Variants in GARRE1 observed in about 807,000 individuals in gnomAD.
GARRE1 encodes the protein granule associated Rac and RHOG effector 1.
A neutral mutation model predicts 103.2 loss-of-function variants in GARRE1; 49 were observed. The ratio of observed to expected loss-of-function variants is 0.47; its 90% confidence interval spans 0.38 to 0.60. The LOEUF is 0.60. Among genes scored for constraint, GARRE1 ranks in the 20% least tolerant of loss-of-function variants. The pLI is 0.00. For missense variants in GARRE1, 1,199 were observed against 1,370.5 expected (o/e 0.87, Z 1.98); for synonymous variants, 505 against 532.8 (o/e 0.95, Z 0.72).
chr19:34,352,672 C>T lies in GARRE1; in HGVS notation c.2930C>T (p.Pro977Leu), dbSNP rs151176246. Residue 977 changes from proline to leucine, a missense_variant, in exon 14 of 14, where the codon CCC (proline) becomes CTC (leucine). Transcript: ENST00000299505. Reference sequence around the variant, plus strand: ...GATAACAAAACCAAAACGTGGCCACCCAAAGCACCCTGGCAGCACCCTTCC... The same window carrying T: ...GATAACAAAACCAAAACGTGGCCACTCAAAGCACCCTGGCAGCACCCTTCC... ...NQDNKTKTWP[P>L]KAPWQHPSPL... 15 of 1,610,926 alleles carry T rather than the reference C, an allele frequency of 9.3e-6. No homozygotes were observed. Among genetic ancestry groups the T allele is most frequent in the Non-Finnish European group, 1.2e-5 (14 of 1,177,414 alleles).
At chr19:34,332,471 A>G (rs890666862) in intron 7 of GARRE1, among the ~76,000 whole-genome samples, 1 of 152,068 alleles carries the variant, frequency 6.6e-6, no homozygotes, top group Admixed American at 6.6e-5. Flanking sequence ...AAAAAGTTCC[A>G]TGTTATTCAG....
intron 1 of GARRE1, among the ~76,000 whole-genome samples, chr19:34,282,140 GT>G (rs1484124461): frequency 1.3e-5 from 2 of 151,632 alleles, no homozygotes; most frequent in Non-Finnish European, 2.9e-5. Flanking sequence ...TTTATGATTT[GT>G]TTGCTTTTGG....
intron 1 of GARRE1, among the ~76,000 whole-genome samples, chr19:34,257,267 G>C (rs904013207): frequency 1.3e-5 from 2 of 152,072 alleles, no homozygotes; most frequent in Admixed American, 1.3e-4. Flanking sequence ...TGTGTCAAGT[G>C]GGTCTTCCAA....
rs1392492212 is a variant in GARRE1 at position 34,326,125 on chromosome 19, A to G, written c.706-1296A>G. ...ACCTAACATACCACCTTGTGAGCTA[A>G]ATATTTGACTGAAAGATTCTTAGAA... On this transcript the variant is annotated intron_variant, in intron 3 of 13. Transcript: ENST00000299505. 3.3e-5 allele frequency among the ~76,000 whole-genome samples: 5 copies of G among 152,260 alleles called. No homozygotes were observed. The East Asian group carries it at 9.6e-4, about 29-fold the overall frequency.
rs555003040 is a variant in GARRE1 at position 34,276,022 on chromosome 19, G to T, written c.-796+21408G>T. ...CTTATTGGCATATCATCTTTGGAGG[G>T]TTCATCTATATTTGTGTTTTGTTTG... On this transcript the variant is annotated intron_variant, in intron 1 of 13. Transcript: ENST00000299505. Among the ~76,000 whole-genome samples, 5 of 152,108 alleles carry T rather than the reference G, an allele frequency of 3.3e-5. No individual in the cohort carries two copies. The South Asian group carries it at 1.0e-3, about 32-fold the overall frequency.
intron 1 of GARRE1, among the ~76,000 whole-genome samples, chr19:34,286,874 T>TA (rs1451159401): frequency 6.6e-6 from 1 of 152,110 alleles, no homozygotes; most frequent in Non-Finnish European, 1.5e-5. Context: ...TCATCAGGCG[T>TA]CCTCATTCTT....
intron 12 of GARRE1, 81 bp from the exon 13 acceptor site, chr19:34,351,427 TGCTGGA>T: frequency 9.8e-7 from 1 of 1,018,412 alleles, no homozygotes; most frequent in Non-Finnish European, 1.6e-6. Context: ...GGCCTGGAGA[TGCTGGA>T]GCCTAGCACT....
chr19:34,296,235 C>T (rs746679777), intron 1 of GARRE1: 16 of 601,564 alleles, frequency 2.7e-5, no homozygotes, highest in Middle Eastern at 4.7e-4. Context: ...CCGAGGGGGT[C>T]GCAGCAGTCC....
intron 1 of GARRE1, among the ~76,000 whole-genome samples, chr19:34,276,443 A>G (rs940073569): frequency 6.6e-6 from 1 of 152,212 alleles, no homozygotes; most frequent in Non-Finnish European, 1.5e-5. Context: ...AAATGAGGGA[A>G]AAAGAGTGTG....
At position 34,320,133 on chromosome 19, in the gene GARRE1, G is replaced by A. The variant is rs369453284; in HGVS notation, c.705+17G>A. The A allele has an allele frequency of 1.5e-4, 238 of 1,607,884 alleles. No homozygotes were observed. Among genetic ancestry groups the A allele is most frequent in the Non-Finnish European group, 1.9e-4 (227 of 1,175,636 alleles). On this transcript the variant is annotated intron_variant, in intron 3 of 13. Transcript: ENST00000299505. Reference sequence around the variant, plus strand: ...GCTGCTGAGGTAACCCTGGCTTTGGGGAGATTGGTGCCTGTGTTCAAATAG... The same window carrying A: ...GCTGCTGAGGTAACCCTGGCTTTGGAGAGATTGGTGCCTGTGTTCAAATAG...
intron 9 of GARRE1, 87 bp from the exon 10 acceptor site, chr19:34,341,335 C>A: frequency 8.6e-7 from 1 of 1,165,134 alleles, no homozygotes; most frequent in Non-Finnish European, 1.2e-6. Flanking sequence ...TTCTTGCTCT[C>A]AACGCCATTC....
intron 8 of GARRE1, among the ~76,000 whole-genome samples, chr19:34,338,979 A>G (rs1402748346): frequency 6.6e-6 from 1 of 152,152 alleles, no homozygotes; most frequent in Non-Finnish European, 1.5e-5. Flanking sequence ...GGGGTTCATA[A>G]ACAAGGTGGC....
intron 2 of GARRE1, among the ~76,000 whole-genome samples, chr19:34,308,803 T>C (rs1264063978): frequency 6.6e-6 from 1 of 152,182 alleles, no homozygotes; most frequent in Admixed American, 6.5e-5. Flanking sequence ...TTTTTCATGG[T>C]AACCAAATAG....
chr19:34,289,607 C>T (rs1228742025), intron 1 of GARRE1, among the ~76,000 whole-genome samples: 1 of 151,760 alleles, frequency 6.6e-6, no homozygotes, highest in African/African-American at 2.4e-5. Context: ...GTCTGTTATC[C>T]CAGCTACTCA....
intron 3 of GARRE1, among the ~76,000 whole-genome samples, chr19:34,320,955 G>A (rs149171731): frequency 0.015 from 2,121 of 144,474 alleles, 22 homozygotes; most frequent in South Asian, 0.026. Flanking sequence ...TGTTGTCCAG[G>A]TTGGTCTTGA....
At chr19:34,261,782 C>T (rs2073720053) in intron 1 of GARRE1, among the ~76,000 whole-genome samples, 1 of 152,074 alleles carries the variant, frequency 6.6e-6, no homozygotes, top group Non-Finnish European at 1.5e-5. Context: ...TGGGAGCAGT[C>T]CTTGAAATAA....
rs774924484 is a variant in GARRE1, at chr19:34,354,281, ATTCT to A, written c.*1331_*1334del. ...TATGTTAACTACTAATAAATGGTTT[ATTCT>A]TTCTAACTCCATATAAGCTTTTCCA... On this transcript the variant is annotated 3_prime_UTR_variant, in exon 14 of 14. Transcript: ENST00000299505. 2.0e-5 allele frequency: 3 copies of A among 152,208 alleles called. No homozygotes were observed. Among genetic ancestry groups the A allele is most frequent in the Admixed American group, 1.3e-4 (2 of 15,280 alleles). 9.4% of individuals were successfully genotyped at this position (152,208 alleles called of 1,614,324 possible).
intron 3 of GARRE1, among the ~76,000 whole-genome samples, chr19:34,320,515 G>GGA (rs2074082208): frequency 6.6e-6 from 1 of 152,182 alleles, no homozygotes; most frequent in African/African-American, 2.4e-5. Context: ...AGCTGTCTGG[G>GGA]GAGGGTAAGT....
At chr19:34,269,356 G>C (rs2073772562) in intron 1 of GARRE1, among the ~76,000 whole-genome samples, 1 of 152,180 alleles carries the variant, frequency 6.6e-6, no homozygotes, top group Non-Finnish European at 1.5e-5. Flanking sequence ...GTTGACCCGT[G>C]TTGGGGGTGG....
Sources: allele counts gnomAD v4.1 joint callset (sites outside exome capture counted in the v4.1 genomes callset), GRCh38; gene constraint gnomAD v4.1.1; transcripts MANE v1.5; gene names NCBI Gene and HGNC (gene_info 2026-07-23, HGNC 2026-07-21).